KIAA2012: variants seen among roughly 807,000 people sequenced by gnomAD.
The protein encoded by KIAA2012 is uncharacterized protein KIAA2012.
In KIAA2012, 125 loss-of-function variants were observed where a neutral mutation model predicts 150.6. The ratio of observed to expected loss-of-function variants is 0.83; its 90% CI spans 0.72 to 0.96. KIAA2012 has a LOEUF of 0.96. Among genes scored for constraint, KIAA2012 ranks in the 40% least tolerant of loss-of-function variants. The pLI is 0.00. For synonymous variants in KIAA2012, 462 were observed against 504.7 expected (o/e 0.92, Z 1.13); for missense variants, 1,219 against 1,354.9 (o/e 0.90, Z 1.57).
chr2:202,090,644 T>A, intron 2 of KIAA2012, 126 bp from the exon 3 acceptor site: 1 of 1,092,220 alleles, frequency 9.2e-7, no homozygotes, highest in African/African-American at 1.6e-5. Context: ...GGCATCTGTT[T>A]TTGGTGCCTT....
At chr2:202,080,696 CAAA>C (rs59085497) in intron 2 of KIAA2012, among the ~76,000 whole-genome samples, 1,148 of 104,716 alleles carry the variant, frequency 0.011, 4 homozygotes, top group South Asian at 0.021. Context: ...AACTCCGTCT[CAAA>C]AAAAAAAAAA....
chr2:202,108,338 T>C (rs1690253075), intron 9 of KIAA2012, among the ~76,000 whole-genome samples: 1 of 152,220 alleles, frequency 6.6e-6, no homozygotes, highest in Non-Finnish European at 1.5e-5. Context: ...CCACATACAA[T>C]TACCACACTC....
chr2:202,098,414 C>T (rs1016357984), intron 5 of KIAA2012, among the ~76,000 whole-genome samples: 8 of 152,110 alleles, frequency 5.3e-5, no homozygotes, highest in East Asian at 3.8e-4. Context: ...AAGTGCTGCA[C>T]GCCTTCTCCT....
At chr2:202,147,673 T>C (rs1415071730) in intron 13 of KIAA2012, among the ~76,000 whole-genome samples, 1 of 152,162 alleles carries the variant, frequency 6.6e-6, no homozygotes, top group Non-Finnish European at 1.5e-5. Context: ...AAAAATCGAC[T>C]GATTTAAAAA....
At chr2:202,106,141 C>T in intron 9 of KIAA2012, 2 of 1,199,932 alleles carry the variant, frequency 1.7e-6, no homozygotes, top group African/African-American at 1.5e-5. Flanking sequence ...CATCCCACTG[C>T]TAATATTTTA....
chr2:202,150,518 C>T (rs767625177), intron 13 of KIAA2012, among the ~76,000 whole-genome samples: 1 of 151,834 alleles, frequency 6.6e-6, no homozygotes, highest in Non-Finnish European at 1.5e-5. Flanking sequence ...GCGCGATCTC[C>T]GCTCACTATA....
intron 12 of KIAA2012, among the ~76,000 whole-genome samples, chr2:202,127,957 T>C (rs1403302041): frequency 1.3e-5 from 2 of 151,804 alleles, no homozygotes; most frequent in South Asian, 4.2e-4. Flanking sequence ...ATTAAACAAC[T>C]CCCCCTCCTC....
At position 202,090,107 on chromosome 2, in the gene KIAA2012, A is replaced by G. The variant is rs560774487; in HGVS notation, c.370-663A>G. On this transcript the variant is annotated intron_variant, in intron 2 of 23. Coordinates refer to ENST00000498697, the MANE Select transcript of KIAA2012 (RefSeq NM_001277372.4). The stretch of plus-strand genomic sequence containing the variant: ...GCAATCATCCTCTGAGAGTTTCTAC[A>G]TCACTTAAGTGGTTGTAGTAACTCA... 4.6e-5 allele frequency among the ~76,000 whole-genome samples: 7 copies of G among 152,364 alleles called. No individual in the cohort carries two copies. In the South Asian group the frequency reaches 1.2e-3, roughly 27 times the overall value.
At chr2:202,200,138 G>C (rs1477110727) in intron 22 of KIAA2012, among the ~76,000 whole-genome samples, 1 of 151,700 alleles carries the variant, frequency 6.6e-6, no homozygotes, top group Non-Finnish European at 1.5e-5. Flanking sequence ...TCACCATGTT[G>C]GCCAGGATGG....
rs1473856268 is a variant in KIAA2012, at chr2:202,133,127, TA to T, written c.1832-5304del. On this transcript the variant is annotated intron_variant, in intron 12 of 23. Transcript: ENST00000498697. ...AAAAAAAAATATATATATATATATA[TA>T]TATTTTTTTTTTTTCTGGAGAATGG... is the stretch of plus-strand genomic sequence containing the variant. 1.3e-3 allele frequency among the ~76,000 whole-genome samples: 142 copies of T among 108,716 alleles called. 7 individuals are homozygous for T. Among genetic ancestry groups the T allele is most frequent in the South Asian group, 3.9e-3 (13 of 3,344 alleles). The allele number at this position is 108,716 out of a possible 152,430, so 71.3% of individuals were successfully genotyped here.
intron 19 of KIAA2012, 25 bp downstream of exon 19, chr2:202,190,518 A>G: frequency 6.9e-7 from 1 of 1,447,982 alleles, no homozygotes; most frequent in Non-Finnish European, 9.2e-7. Flanking sequence ...CCTCAGCTTG[A>G]CAGAGGAAGT....
At chr2:202,111,234 T>C (rs1354129448) in intron 10 of KIAA2012, among the ~76,000 whole-genome samples, 1 of 151,110 alleles carries the variant, frequency 6.6e-6, no homozygotes, top group Non-Finnish European at 1.5e-5. Context: ...TGGTGGCTCA[T>C]GCCTATAATA....
At chr2:202,145,689 T>A (rs111882836) in intron 13 of KIAA2012, among the ~76,000 whole-genome samples, 1 of 141,116 alleles carries the variant, frequency 7.1e-6, no homozygotes, top group Non-Finnish European at 1.5e-5. Flanking sequence ...TTTTTTTTTT[T>A]TTTTTTTTTT....
chr2:202,169,713 G>C (rs945124310), intron 15 of KIAA2012, among the ~76,000 whole-genome samples: 1 of 152,172 alleles, frequency 6.6e-6, no homozygotes, highest in Non-Finnish European at 1.5e-5. Context: ...TCTCACCCCA[G>C]ACCTGCCTGT....
rs1024231726 is a variant in KIAA2012 at position 202,199,637 on chromosome 2, CAAAAT to C, written c.3407+2624_3407+2628del. Among the ~76,000 whole-genome samples the C allele has an allele frequency of 5.3e-5, 8 of 152,134 alleles. No homozygotes were observed. In the East Asian group the frequency reaches 7.7e-4, roughly 15 times the overall value. ...ATTTAGATGAACTGAAATTTTAAGACAAAATAAAATCCAATTTCAGAAAACAAAAA... is the reference window on the plus strand; with the variant it reads ...ATTTAGATGAACTGAAATTTTAAGACAAAATCCAATTTCAGAAAACAAAAA... On this transcript the variant is annotated intron_variant, in intron 22 of 23. Transcript: ENST00000498697.
chr2:202,106,232 T>A (rs1690187119), intron 9 of KIAA2012, among the ~76,000 whole-genome samples: 1 of 152,102 alleles, frequency 6.6e-6, no homozygotes, highest in African/African-American at 2.4e-5. Context: ...CACCAATTAC[T>A]TACTCCCTAA....
intron 15 of KIAA2012, among the ~76,000 whole-genome samples, chr2:202,177,331 G>C (rs920447832): frequency 1.3e-5 from 2 of 152,142 alleles, no homozygotes; most frequent in African/African-American, 4.8e-5. Flanking sequence ...AAATTGAAGA[G>C]ACTGATTACC....
At chr2:202,153,981 C>T (rs895005346) in intron 13 of KIAA2012, among the ~76,000 whole-genome samples, 3 of 152,122 alleles carry the variant, frequency 2.0e-5, no homozygotes, top group African/African-American at 7.2e-5. Flanking sequence ...AGCCAGGTTG[C>T]AATGTGGGGC....
chr2:202,110,104 A>T (rs1690307194), intron 10 of KIAA2012, among the ~76,000 whole-genome samples: 1 of 152,166 alleles, frequency 6.6e-6, no homozygotes, highest in Admixed American at 6.5e-5. Flanking sequence ...TTTACCAGGC[A>T]CACTCCAAAC....
Sources: allele counts gnomAD v4.1 joint callset (sites outside exome capture counted in the v4.1 genomes callset), GRCh38; gene constraint gnomAD v4.1.1; transcripts MANE v1.5; gene names NCBI Gene and HGNC (gene_info 2026-07-23, HGNC 2026-07-21).